Variants in CDH13 observed in about 807,000 individuals in gnomAD.
CDH13 encodes the protein cadherin-13.
In CDH13, 24 loss-of-function variants were observed where a neutral mutation model predicts 63.8. The observed-to-expected ratio is 0.38, with a 90% CI of 0.27 to 0.53. The LOEUF is 0.53. Among genes scored for constraint, CDH13 ranks in the 20% least tolerant of loss-of-function variants. CDH13 has a pLI of 0.85. For synonymous variants in CDH13, 503 were observed against 355.3 expected (o/e 1.42, Z -4.67); for missense variants, 1,049 against 903.1 (o/e 1.16, Z -2.07).
At chr16:83,034,037 A>C (rs4387590) in intron 3 of CDH13, among the ~76,000 whole-genome samples, 3 of 152,120 alleles carry the variant, frequency 2.0e-5, no homozygotes, top group Non-Finnish European at 4.4e-5. Context: ...ACAACTGGCA[A>C]TGTGAGAGTT....
intron 8 of CDH13, among the ~76,000 whole-genome samples, chr16:83,667,599 C>T (rs1267402365): frequency 1.3e-5 from 2 of 152,024 alleles, no homozygotes; most frequent in African/African-American, 2.4e-5. Flanking sequence ...ACCCTAAAAT[C>T]GAAAGAAATA....
At chr16:83,778,300 C>T (rs1915261582) in intron 11 of CDH13, among the ~76,000 whole-genome samples, 2 of 152,182 alleles carry the variant, frequency 1.3e-5, no homozygotes, top group East Asian at 1.9e-4. Context: ...GAGGCCGAGG[C>T]AGGTGGATCA....
At chr16:83,413,291 A>C (rs922453602) in intron 6 of CDH13, among the ~76,000 whole-genome samples, 1 of 152,226 alleles carries the variant, frequency 6.6e-6, no homozygotes, top group Non-Finnish European at 1.5e-5. Context: ...CAAATCTCAC[A>C]ATCAATGATA....
At chr16:82,721,678 C>G (rs1405819972) in intron 1 of CDH13, among the ~76,000 whole-genome samples, 1 of 152,106 alleles carries the variant, frequency 6.6e-6, no homozygotes, top group Non-Finnish European at 1.5e-5. Flanking sequence ...ACAGAGAGAA[C>G]TTGTGCCAGG....
chr16:83,391,360 C>G (rs1432639593), intron 6 of CDH13, among the ~76,000 whole-genome samples: 3 of 152,054 alleles, frequency 2.0e-5, no homozygotes, highest in African/African-American at 4.8e-5. Context: ...TGCCTACCAC[C>G]ACACCCAGCT....
intron 2 of CDH13, among the ~76,000 whole-genome samples, chr16:82,997,430 TTAAAG>T (rs1392654716): frequency 1.8e-4 from 27 of 152,118 alleles, no homozygotes; most frequent in Non-Finnish European, 3.2e-4. Context: ...ATCTCAGTAA[TTAAAG>T]TAAATAATAT....
At chr16:83,069,735 A>G (rs1231982481) in intron 3 of CDH13, among the ~76,000 whole-genome samples, 1 of 152,074 alleles carries the variant, frequency 6.6e-6, no homozygotes, top group Non-Finnish European at 1.5e-5. Flanking sequence ...GCTCACTCTG[A>G]CACCCATTCC....
At chr16:82,867,894 A>G (rs1359235118) in intron 2 of CDH13, among the ~76,000 whole-genome samples, 1 of 152,176 alleles carries the variant, frequency 6.6e-6, no homozygotes, top group African/African-American at 2.4e-5. Flanking sequence ...TTAGGCTTTT[A>G]TCTGTCTACA....
chr16:83,158,643 G>A (rs535489632), intron 4 of CDH13, among the ~76,000 whole-genome samples: 21 of 152,366 alleles, frequency 1.4e-4, no homozygotes, highest in African/African-American at 4.8e-4. Context: ...ACAGGCCGGG[G>A]ACTGCTGCAG....
intron 1 of CDH13, among the ~76,000 whole-genome samples, chr16:82,765,752 T>A (rs1037249140): frequency 1.3e-5 from 2 of 152,186 alleles, no homozygotes; most frequent in Non-Finnish European, 2.9e-5. Flanking sequence ...CTGAGTGTCA[T>A]GTCTTCCTGT....
chr16:83,460,406 C>T (rs1567687710), intron 6 of CDH13, among the ~76,000 whole-genome samples: 3 of 152,148 alleles, frequency 2.0e-5, no homozygotes, highest in Admixed American at 1.3e-4. Context: ...CATTTATGCC[C>T]CTGGGCACAG....
chr16:82,797,951 T>G (rs1184241778), intron 1 of CDH13, among the ~76,000 whole-genome samples: 1 of 152,188 alleles, frequency 6.6e-6, no homozygotes, highest in African/African-American at 2.4e-5. Context: ...TCAAAGTTCA[T>G]GTGTGTAGTG....
intron 7 of CDH13, among the ~76,000 whole-genome samples, chr16:83,506,916 C>A (rs1170385028): frequency 6.6e-6 from 1 of 152,238 alleles, no homozygotes; most frequent in Non-Finnish European, 1.5e-5. Flanking sequence ...TGTAGCCTCA[C>A]CAACATCCTG....
intron 6 of CDH13, among the ~76,000 whole-genome samples, chr16:83,405,656 G>T (rs565605896): frequency 6.6e-6 from 1 of 152,216 alleles, no homozygotes; most frequent in African/African-American, 2.4e-5. Flanking sequence ...TGTTACAGCC[G>T]TAGGAAGGTA....
intron 7 of CDH13, among the ~76,000 whole-genome samples, chr16:83,501,646 G>C (rs8048417): frequency 0.48 from 72,203 of 151,990 alleles, 17,994 homozygotes; most frequent in East Asian, 0.83. Context: ...TCTACTAGGA[G>C]GGTTATGGAG....
chr16:83,631,164 T>C (rs572271556), intron 8 of CDH13, among the ~76,000 whole-genome samples: 9 of 152,250 alleles, frequency 5.9e-5, no homozygotes, highest in African/African-American at 2.2e-4. Flanking sequence ...CGAGCGCAAG[T>C]TGTAAAGGCT....
At chr16:83,003,881 C>G (rs1196217275) in intron 2 of CDH13, among the ~76,000 whole-genome samples, 2 of 152,218 alleles carry the variant, frequency 1.3e-5, no homozygotes, top group Non-Finnish European at 2.9e-5. Flanking sequence ...TGATGCCTCT[C>G]TGTCACTTCT....
At chr16:83,123,793 TAG>T (rs770911732) in intron 3 of CDH13, among the ~76,000 whole-genome samples, 13 of 152,180 alleles carry the variant, frequency 8.5e-5, no homozygotes, top group Non-Finnish European at 1.8e-4. Flanking sequence ...CTGTTTTTCA[TAG>T]AGTTTGCACT....
intron 8 of CDH13, among the ~76,000 whole-genome samples, chr16:83,629,285 T>C (rs933040371): frequency 1.3e-5 from 2 of 152,210 alleles, no homozygotes. Flanking sequence ...ATTTTAAAAA[T>C]ATATTTTATG....
Sources: allele counts gnomAD v4.1 joint callset (sites outside exome capture counted in the v4.1 genomes callset), GRCh38; gene constraint gnomAD v4.1.1; transcripts MANE v1.5; gene names NCBI Gene and HGNC (gene_info 2026-07-23, HGNC 2026-07-21).